Variants in LRMDA observed in about 807,000 individuals in gnomAD.
LRMDA encodes the protein leucine rich melanocyte differentiation associated.
LRMDA carries 18 observed loss-of-function variants against 29.8 expected under a neutral mutation model. That is an observed-to-expected ratio of 0.60 (90% confidence interval 0.42 to 0.90). The LOEUF (loss-of-function observed/expected upper bound fraction) is 0.90, where lower values mean the gene tolerates loss of function less well. LRMDA is among the 40% of genes least tolerant of loss of function. The pLI, the probability that LRMDA is intolerant of heterozygous loss-of-function variation, is 0.00. For synonymous variants in LRMDA, 125 were observed against 109.4 expected (o/e 1.14, Z -0.89); for missense variants, 273 against 273.9 (o/e 1.00, Z 0.02).
intron 2 of LRMDA, among the ~76,000 whole-genome samples, chr10:75,705,512 A>G (rs1842355735): frequency 6.6e-6 from 1 of 152,202 alleles, no homozygotes; most frequent in African/African-American, 2.4e-5. Flanking sequence ...TGGACAGGAG[A>G]GGCTCTGAAC....
intron 6 of LRMDA, among the ~76,000 whole-genome samples, chr10:76,350,169 CA>C (rs150371543): frequency 0.01 from 1,474 of 143,670 alleles, 24 homozygotes; most frequent in South Asian, 0.047. Flanking sequence ...AGGCAAAAAA[CA>C]AAAAAAAAAA....
chr10:75,878,669 C>G (rs950501109), intron 2 of LRMDA, among the ~76,000 whole-genome samples: 1 of 152,096 alleles, frequency 6.6e-6, no homozygotes, highest in Non-Finnish European at 1.5e-5. Flanking sequence ...AGTGCCTGTT[C>G]TCACTTAGAT....
chr10:76,403,945 C>T (rs1411059896), intron 6 of LRMDA, among the ~76,000 whole-genome samples: 7 of 152,080 alleles, frequency 4.6e-5, no homozygotes, highest in East Asian at 1.9e-4. Context: ...CAATGGTGCC[C>T]GCTCTCCACT....
At chr10:75,866,487 T>C (rs1483623125) in intron 2 of LRMDA, among the ~76,000 whole-genome samples, 3 of 152,210 alleles carry the variant, frequency 2.0e-5, no homozygotes, top group African/African-American at 7.2e-5. Context: ...TGAAGATTGC[T>C]TGTTGGTTTT....
intron 2 of LRMDA, among the ~76,000 whole-genome samples, chr10:75,640,235 A>G (rs1841435898): frequency 6.6e-6 from 1 of 152,078 alleles, no homozygotes; most frequent in Non-Finnish European, 1.5e-5. Context: ...ACACAGTCTG[A>G]TTTTTTTGTT....
intron 6 of LRMDA, among the ~76,000 whole-genome samples, chr10:76,326,874 C>A (rs1040854935): frequency 3.3e-5 from 5 of 152,116 alleles, no homozygotes; most frequent in Non-Finnish European, 7.4e-5. Flanking sequence ...CCATATATCA[C>A]AGGGATAGTA....
chr10:76,164,465 G>A (rs1007619062), intron 5 of LRMDA, among the ~76,000 whole-genome samples: 1 of 152,074 alleles, frequency 6.6e-6, no homozygotes, highest in African/African-American at 2.4e-5. Flanking sequence ...CCAGTGGCTT[G>A]TTTTTTGTTT....
intron 5 of LRMDA, among the ~76,000 whole-genome samples, chr10:76,242,700 C>T (rs528037056): frequency 6.6e-6 from 1 of 152,308 alleles, no homozygotes; most frequent in East Asian, 1.9e-4. Flanking sequence ...TCTGCAATGT[C>T]TTTATTTCCA....
intron 6 of LRMDA, among the ~76,000 whole-genome samples, chr10:76,449,948 G>C (rs551697776): frequency 6.6e-6 from 1 of 151,654 alleles, no homozygotes; most frequent in African/African-American, 2.4e-5. Context: ...ATTTAATTTT[G>C]TGCCCATGTT....
intron 2 of LRMDA, among the ~76,000 whole-genome samples, chr10:75,651,880 T>G (rs941908920): frequency 2.0e-5 from 3 of 152,204 alleles, no homozygotes; most frequent in Non-Finnish European, 4.4e-5. Flanking sequence ...GACTTGACAC[T>G]TCTCCACTTC....
chr10:75,696,025 A>G (rs1168042562), intron 2 of LRMDA, among the ~76,000 whole-genome samples: 1 of 152,220 alleles, frequency 6.6e-6, no homozygotes, highest in African/African-American at 2.4e-5. Context: ...AAACAGTTAC[A>G]AAAAGATAAG....
chr10:76,360,563 T>G lies in LRMDA; in HGVS notation c.601+36078T>G, dbSNP rs571476957. The stretch of plus-strand genomic sequence containing the variant: ...CAGAAGTCATGAACATTCTCACTTC[T>G]GTGTAGTACTATATAGCTTCCTGAA... On this transcript the variant is annotated intron_variant, in intron 6 of 6. Coordinates refer to ENST00000611255, the MANE Select transcript of LRMDA (RefSeq NM_001305581.2). Among the ~76,000 whole-genome samples, 3 of 152,360 alleles carry G rather than the reference T, an allele frequency of 2.0e-5. No homozygotes were observed. In the East Asian group the frequency reaches 5.8e-4, roughly 29 times the overall value.
intron 5 of LRMDA, among the ~76,000 whole-genome samples, chr10:76,195,525 G>C (rs12098513): frequency 0.012 from 1,766 of 152,252 alleles, 37 homozygotes; most frequent in African/African-American, 0.039. Flanking sequence ...GCCTGGCCTT[G>C]TATTTATGGA....
chr10:76,290,651 AC>A (rs1481476250), intron 5 of LRMDA, among the ~76,000 whole-genome samples: 1 of 151,724 alleles, frequency 6.6e-6, no homozygotes, highest in African/African-American at 2.4e-5. Context: ...CGAACTCTTA[AC>A]CTTAGGTGAT....
chr10:76,212,319 G>C (rs1270252675), intron 5 of LRMDA, among the ~76,000 whole-genome samples: 2 of 150,552 alleles, frequency 1.3e-5, no homozygotes, highest in African/African-American at 4.9e-5. Context: ...TGCTAACTAT[G>C]GTTCCCAGGT....
chr10:75,634,482 G>C (rs1178893572), intron 2 of LRMDA, among the ~76,000 whole-genome samples: 1 of 152,220 alleles, frequency 6.6e-6, no homozygotes, highest in Non-Finnish European at 1.5e-5. Context: ...GGTAACCTCA[G>C]AACAGAGTGG....
Position 76,429,023 on chromosome 10 carries a change from T to TACACAC in LRMDA, c.601+104550_601+104555dup, listed in dbSNP as rs140684832. Reference sequence around the variant, plus strand: ...GATGAGGAAATAACCCTGCCAATTATACACACACACACACACAAACACACA... The same window carrying TACACAC: ...GATGAGGAAATAACCCTGCCAATTATACACACACACACACACACACACAAACACACA... On this transcript the variant is annotated intron_variant, in intron 6 of 6. Coordinates refer to ENST00000611255, the MANE Select transcript of LRMDA (RefSeq NM_001305581.2). 8.4e-3 allele frequency among the ~76,000 whole-genome samples: 1,267 copies of TACACAC among 149,944 alleles called. 8 individuals carry two copies. The highest frequency in any genetic ancestry group is 0.013 in the Admixed American group (194 of 14,992).
intron 2 of LRMDA, among the ~76,000 whole-genome samples, chr10:75,958,133 TATGTGAGGAGGAGAAGG>T (rs1176995953): frequency 1.3e-5 from 2 of 151,998 alleles, no homozygotes; most frequent in African/African-American, 4.8e-5. Context: ...CACTGCTACT[TATGTGAGGAGGAGAAGG>T]ATGGGAGGAG....
In LRMDA at chr10:75,578,214, G is replaced by GAAAAAAAAAAA. The variant is rs1589191365; in HGVS notation, c.131+139720_131+139721insAAAAAAAAAAA. Among the ~76,000 whole-genome samples, 9 of 8,338 alleles carry GAAAAAAAAAAA rather than the reference G, an allele frequency of 1.1e-3. 1 individual carries two copies. The highest frequency in any genetic ancestry group is 2.2e-3 in the Non-Finnish European group (8 of 3,700). The allele number at this position is 8,338 out of a possible 152,430, so 5.5% of individuals were successfully genotyped here. A position where few individuals can be genotyped will look rare whatever the true frequency, so the allele number is the denominator to read the frequency against. ...GGTATATTTACCAAGCAAATGGAAAGCAAAAAAAAAAAAAAAAAAAAAAAA... is the reference window on the plus strand; with the variant it reads ...GGTATATTTACCAAGCAAATGGAAAGAAAAAAAAAAACAAAAAAAAAAAAAAAAAAAAAAAA... On this transcript the variant is annotated intron_variant, in intron 2 of 6. Coordinates refer to ENST00000611255, the MANE Select transcript of LRMDA (RefSeq NM_001305581.2).
Sources: gnomAD v4.1 joint callset for allele counts (sites outside exome capture counted in the v4.1 genomes callset) on GRCh38, gnomAD v4.1.1 for gene constraint, MANE v1.5 for transcripts, NCBI Gene and HGNC (gene_info 2026-07-23, HGNC 2026-07-21) for gene names.